The following PACRG variants were observed in gnomAD, a reference collection of about 807,000 sequenced individuals.
The protein encoded by PACRG is parkin coregulated gene protein.
A neutral mutation model predicts 29.7 loss-of-function variants in PACRG; 29 were observed. The observed-to-expected ratio is 0.98, with a 90% CI of 0.73 to 1.33. The LOEUF is 1.33. PACRG is among the 40% of genes most tolerant of loss of function. PACRG has a pLI of 0.00. For synonymous variants in PACRG, 116 were observed against 118.7 expected, an observed-to-expected ratio of 0.98 and a Z score of 0.15; for missense variants, 279 against 316.2, an observed-to-expected ratio of 0.88 and a Z score of 0.89.
intron 4 of PACRG, among the ~76,000 whole-genome samples, chr6:163,227,516 T>C (rs1283095743): frequency 1.3e-5 from 2 of 152,204 alleles, no homozygotes; most frequent in Admixed American, 1.3e-4. Flanking sequence ...CCAATATATG[T>C]AACGGAAAGA....
At chr6:162,748,737 TACC>T (rs1435460010) in intron 1 of PACRG, among the ~76,000 whole-genome samples, 1 of 152,170 alleles carries the variant, frequency 6.6e-6, no homozygotes, top group East Asian at 1.9e-4. Context: ...CCTTCACCTC[TACC>T]ACATTTAACC....
chr6:162,763,990 T>C (rs1280871506), intron 1 of PACRG, among the ~76,000 whole-genome samples: 1 of 152,160 alleles, frequency 6.6e-6, no homozygotes. Flanking sequence ...AATGGGGTGC[T>C]CCAGGCCCGG....
chr6:163,178,737 G>A (rs917433170), intron 4 of PACRG, among the ~76,000 whole-genome samples: 7 of 152,056 alleles, frequency 4.6e-5, no homozygotes, highest in African/African-American at 9.7e-5. Context: ...CAGGCTCCCC[G>A]GTGGCTGCCA....
intron 2 of PACRG, among the ~76,000 whole-genome samples, chr6:162,918,054 A>G (rs1026232041): frequency 6.6e-6 from 1 of 152,146 alleles, no homozygotes; most frequent in Non-Finnish European, 1.5e-5. Context: ...TCATTTTGTT[A>G]GTAGATTCTA....
In PACRG at chr6:163,291,565, T is replaced by G. The variant is rs142801975; in HGVS notation, c.614-23262T>G. 5.9e-5 allele frequency among the ~76,000 whole-genome samples: 9 copies of G among 152,370 alleles called. 1 individual carries two copies. The highest frequency in any genetic ancestry group is 2.2e-4 in the African/African-American group (9 of 41,590). ...AGCTAGATTTCTCTTCATATTCCTT[T>G]TCCAACAAACGTCTCTTGAACATCG... is the stretch of plus-strand genomic sequence containing the variant. On this transcript the variant is annotated intron_variant, in intron 4 of 4. Transcript: ENST00000366888.
chr6:162,798,564 A>C (rs936200801), intron 1 of PACRG, among the ~76,000 whole-genome samples: 52 of 152,008 alleles, frequency 3.4e-4, no homozygotes, highest in African/African-American at 1.2e-3. Context: ...ATCTTATTTC[A>C]TTCATATGAT....
At chr6:163,202,556 G>A (rs1366476264) in intron 4 of PACRG, among the ~76,000 whole-genome samples, 1 of 152,054 alleles carries the variant, frequency 6.6e-6, no homozygotes, top group Non-Finnish European at 1.5e-5. Flanking sequence ...TACATAAATT[G>A]CCACAAACTG....
At chr6:162,780,510 C>A (rs945939476) in intron 1 of PACRG, among the ~76,000 whole-genome samples, 1 of 151,988 alleles carries the variant, frequency 6.6e-6, no homozygotes, top group South Asian at 2.1e-4. Context: ...AAATGTCTGG[C>A]AACCAATTAA....
chr6:162,976,321 T>C (rs1801952746), intron 2 of PACRG, among the ~76,000 whole-genome samples: 1 of 152,224 alleles, frequency 6.6e-6, no homozygotes, highest in Non-Finnish European at 1.5e-5. Context: ...AGCTGAATGA[T>C]GCTGGCAGGT....
intron 4 of PACRG, among the ~76,000 whole-genome samples, chr6:163,238,824 A>C (rs1782351115): frequency 6.6e-6 from 1 of 152,070 alleles, no homozygotes; most frequent in South Asian, 2.1e-4. Context: ...GGCTCAAAAA[A>C]ATGGTGTCTC....
intron 2 of PACRG, among the ~76,000 whole-genome samples, chr6:162,947,774 A>T (rs543845895): frequency 6.7e-6 from 1 of 149,546 alleles, no homozygotes; most frequent in Non-Finnish European, 1.5e-5. Flanking sequence ...ACTGAGAAAG[A>T]AATCAAGAAG....
intron 4 of PACRG, among the ~76,000 whole-genome samples, chr6:163,292,083 T>C (rs539469507): frequency 6.6e-6 from 1 of 151,554 alleles, no homozygotes; most frequent in Non-Finnish European, 1.5e-5. Flanking sequence ...TTTAAAGGGA[T>C]AGAGAGAAGG....
chr6:163,078,849 A>G (rs1407009383), intron 3 of PACRG, among the ~76,000 whole-genome samples: 1 of 152,130 alleles, frequency 6.6e-6, no homozygotes, highest in Admixed American at 6.5e-5. Flanking sequence ...AGCACAGGAC[A>G]CAGCAGGTGT....
intron 2 of PACRG, among the ~76,000 whole-genome samples, chr6:163,034,110 G>A (rs1470093858): frequency 2.0e-5 from 3 of 152,122 alleles, no homozygotes; most frequent in African/African-American, 2.4e-5. Flanking sequence ...CTGCAGCAGG[G>A]TGGGAAGGCA....
intron 3 of PACRG, among the ~76,000 whole-genome samples, chr6:163,064,940 G>A (rs1445282939): frequency 6.6e-6 from 1 of 151,990 alleles, no homozygotes; most frequent in Non-Finnish European, 1.5e-5. Context: ...TGTATTTCTG[G>A]AAACTGGGTT....
chr6:162,917,538 T>G (rs1436947378), intron 2 of PACRG, among the ~76,000 whole-genome samples: 1 of 152,152 alleles, frequency 6.6e-6, no homozygotes, highest in East Asian at 1.9e-4. Flanking sequence ...TAGAGAAAAA[T>G]TAGAAGAGAT....
chr6:162,957,672 CTT>C (rs11321475), intron 2 of PACRG: 18 of 152,142 alleles, frequency 1.2e-4, no homozygotes, highest in East Asian at 3.8e-4. Flanking sequence ...TCACTGTTTA[CTT>C]TTTTTTTTGT....
At chr6:162,731,904 C>G (rs1231205994) in intron 1 of PACRG, among the ~76,000 whole-genome samples, 1 of 151,770 alleles carries the variant, frequency 6.6e-6, no homozygotes, top group Non-Finnish European at 1.5e-5. Flanking sequence ...GTAGGCAATC[C>G]CAGGAGGTTG....
intron 4 of PACRG, among the ~76,000 whole-genome samples, chr6:163,131,241 T>G (rs769553098): frequency 1.4e-4 from 20 of 146,506 alleles, no homozygotes; most frequent in Non-Finnish European, 2.2e-4. Flanking sequence ...CCGGGAGGCG[T>G]AGCTTGCAGT....
Sources: allele counts gnomAD v4.1 joint callset (sites outside exome capture counted in the v4.1 genomes callset), GRCh38; gene constraint gnomAD v4.1.1; transcripts MANE v1.5; gene names NCBI Gene and HGNC (gene_info 2026-07-23, HGNC 2026-07-21).